GLIS3: variants seen among roughly 807,000 people sequenced by gnomAD.
The protein encoded by GLIS3 is GLIS family zinc finger 3.
A neutral mutation model predicts 78.6 loss-of-function variants in GLIS3; 53 were observed. The observed-to-expected ratio is 0.67, with a 90% CI of 0.54 to 0.85. The LOEUF is 0.85. Ranked by LOEUF, GLIS3 falls within the 40% of genes least tolerant of loss-of-function variation. GLIS3 has a pLI of 0.00. For synonymous variants in GLIS3, 684 were observed against 509.9 expected (o/e 1.34, Z -4.60); for missense variants, 1,703 against 1,231.1 (o/e 1.38, Z -5.74).
chr9:4,325,747 GT>G (rs1817588725), intron 2 of GLIS3, among the ~76,000 whole-genome samples: 2 of 151,788 alleles, frequency 1.3e-5, no homozygotes, highest in Non-Finnish European at 2.9e-5. Context: ...AAGTAATCTT[GT>G]TCATGATGTG....
At chr9:4,234,969 T>C (rs930142680) in intron 2 of GLIS3, among the ~76,000 whole-genome samples, 7 of 152,124 alleles carry the variant, frequency 4.6e-5, no homozygotes, top group Non-Finnish European at 1.0e-4. Flanking sequence ...GCCTCAGTTA[T>C]GCAAGGAAAG....
chr9:3,936,894 C>G, intron 5 of GLIS3, 134 bp downstream of exon 5: 1 of 1,203,198 alleles, frequency 8.3e-7, no homozygotes, highest in Non-Finnish European at 1.2e-6. Flanking sequence ...TTTTACCAGG[C>G]TCCACTGCTG....
intron 2 of GLIS3, among the ~76,000 whole-genome samples, chr9:4,239,230 A>G (rs913759643): frequency 1.3e-5 from 2 of 150,626 alleles, no homozygotes; most frequent in Non-Finnish European, 3.0e-5. Context: ...TGACGAGTTA[A>G]TGGGTGCAGC....
intron 2 of GLIS3, among the ~76,000 whole-genome samples, chr9:4,265,120 C>T (rs952517458): frequency 6.8e-6 from 1 of 147,394 alleles, no homozygotes; most frequent in African/African-American, 2.5e-5. Flanking sequence ...TGCAGTGAGC[C>T]GAGATCACGC....
chr9:4,474,658 A>AT, the GLIS3 span, among the ~76,000 whole-genome samples: 1 of 150,014 alleles, frequency 6.7e-6, no homozygotes, highest in East Asian at 2.0e-4. Flanking sequence ...TATTTTTTTT[A>AT]TTTTTTCTTT....
intron 6 of GLIS3, among the ~76,000 whole-genome samples, chr9:3,921,116 T>G (rs967396873): frequency 6.6e-6 from 1 of 152,218 alleles, no homozygotes; most frequent in Admixed American, 6.5e-5. Context: ...AGTGGTGTCA[T>G]GCATTATTCC....
chr9:4,001,266 C>A (rs143100032), intron 4 of GLIS3, among the ~76,000 whole-genome samples: 2 of 152,272 alleles, frequency 1.3e-5, no homozygotes, highest in East Asian at 1.9e-4. Flanking sequence ...CAAAAAAAAT[C>A]TTTTGGCAAT....
chr9:4,086,949 C>A (rs34122785), intron 4 of GLIS3, among the ~76,000 whole-genome samples: 19,972 of 152,184 alleles, frequency 0.13, 1,312 homozygotes, highest in African/African-American at 0.15. Context: ...AACCCGTAGA[C>A]GGCAGAGGCT....
chr9:4,171,566 C>T (rs10122049), intron 2 of GLIS3, among the ~76,000 whole-genome samples: 5,023 of 152,190 alleles, frequency 0.033, 274 homozygotes, highest in African/African-American at 0.11. Context: ...TGGTTGATTT[C>T]GTTAAAGGAT....
chr9:4,049,828 C>T (rs1310379471), intron 4 of GLIS3, among the ~76,000 whole-genome samples: 1 of 152,124 alleles, frequency 6.6e-6, no homozygotes, highest in African/African-American at 2.4e-5. Flanking sequence ...ATTTATGCAG[C>T]CAACAGACAC....
At chr9:4,384,997 G>A in the GLIS3 span, among the ~76,000 whole-genome samples, 24 of 152,212 alleles carry the variant, frequency 1.6e-4, no homozygotes, top group African/African-American at 5.1e-4. Flanking sequence ...CAACAGAGGC[G>A]CAGAAACCAA....
Position 4,286,259 on chromosome 9 carries a change from T to G in GLIS3, c.167A>C (p.Asn56Thr), listed in dbSNP as rs1827985407. 1 of 1,614,248 alleles carries G rather than the reference T, an allele frequency of 6.2e-7. No individual in the cohort carries two copies. Among genetic ancestry groups the G allele is most frequent in the South Asian group, 1.1e-5 (1 of 91,088 alleles). ...TSSPTMASLA[N>T]NLHLKMPSGG... The stretch of plus-strand genomic sequence containing the variant: ...TGAGGGCATCTTGAGATGGAGGTTG[T>G]TAGCAAGGCTTGCCATAGTGGGACT... The change falls in exon 2 of 11, where the codon AAC (asparagine) becomes ACC (threonine). Residue 56 changes from asparagine to threonine, a missense_variant. By Grantham distance (65) the Asn-to-Thr change is moderately conservative. Transcript: ENST00000381971.
chr9:3,898,939 T>C, intron 6 of GLIS3, 104 bp from the exon 7 acceptor site: 1 of 1,474,180 alleles, frequency 6.8e-7, no homozygotes. Context: ...CCCACAAAAA[T>C]TTATCAAGCA....
At position 3,977,968 on chromosome 9, in the gene GLIS3, G is replaced by A. The variant is rs1336385925; in HGVS notation, c.1711-40779C>T. ...TGACAGCGAAAGGCCAGTTGACACC[G>A]CTGGGTGCACCCTCCGCTGCTCCAA... On this transcript the variant is annotated intron_variant, in intron 4 of 10. Coordinates refer to ENST00000381971, the MANE Select transcript of GLIS3 (RefSeq NM_001042413.2). This position sits in a 1 kb window ranked among gnomAD's most constrained non-coding sequence, Gnocchi z 4.1. Among the ~76,000 whole-genome samples, 5 of 152,212 alleles carry A rather than the reference G, an allele frequency of 3.3e-5. No individual in the cohort carries two copies. Among genetic ancestry groups the A allele is most frequent in the South Asian group, 2.1e-4 (1 of 4,832 alleles).
chr9:4,297,556 A>T (rs1288655246), intron 1 of GLIS3, among the ~76,000 whole-genome samples: 2 of 152,092 alleles, frequency 1.3e-5, no homozygotes, highest in Non-Finnish European at 2.9e-5. Flanking sequence ...GTCTTGGAGG[A>T]AGTTGGTTCT....
At chr9:4,132,049 T>A (rs1340035067) in intron 2 of GLIS3, among the ~76,000 whole-genome samples, 1 of 150,328 alleles carries the variant, frequency 6.7e-6, no homozygotes, top group African/African-American at 2.4e-5. Context: ...AATGTTTTTT[T>A]TAAAAAAAAA....
chr9:4,389,775 T>A, the GLIS3 span, among the ~76,000 whole-genome samples: 2 of 152,164 alleles, frequency 1.3e-5, no homozygotes, highest in Non-Finnish European at 2.9e-5. Flanking sequence ...TAAGCAGATG[T>A]CCAAGAGGGA....
At chr9:3,900,801 T>C (rs543687246) in intron 6 of GLIS3, 1 of 152,170 alleles carries the variant, frequency 6.6e-6, no homozygotes, top group Non-Finnish European at 1.5e-5. Context: ...TTCCTTCCCT[T>C]TTTTAAAGTC....
chr9:3,839,060 C>A (rs1194810616), intron 9 of GLIS3, among the ~76,000 whole-genome samples: 1 of 152,138 alleles, frequency 6.6e-6, no homozygotes, highest in Non-Finnish European at 1.5e-5. Flanking sequence ...TACATGGTAC[C>A]TTAATATTAG....
Sources: allele counts gnomAD v4.1 joint callset (sites outside exome capture counted in the v4.1 genomes callset), GRCh38; gene constraint gnomAD v4.1.1; non-coding constraint Gnocchi (gnomAD v3.1); transcripts MANE v1.5; gene names NCBI Gene and HGNC (gene_info 2026-07-23, HGNC 2026-07-21).